Variants in PLEKHA4 observed in about 807,000 individuals in gnomAD.
PLEKHA4 encodes pleckstrin homology domain containing A4.
In PLEKHA4, 73 loss-of-function variants were observed where a neutral mutation model predicts 94.7. That is an observed-to-expected ratio of 0.77 (90% CI 0.64 to 0.94). PLEKHA4 has a LOEUF of 0.94. Among genes scored for constraint, PLEKHA4 ranks in the 40% least tolerant of loss-of-function variants. The probability of loss-of-function intolerance (pLI) is 0.00; values close to 1 mark genes in which losing one functional copy is unlikely to be tolerated. For missense variants in PLEKHA4, 1,049 were observed against 1,054.1 expected, an observed-to-expected ratio of 1.00 and a Z score of 0.07; for synonymous variants, 449 against 437.1, an observed-to-expected ratio of 1.03 and a Z score of -0.34.
rs760685399 is a variant in PLEKHA4 at position 48,861,662 on chromosome 19, G to A, written c.223C>T (p.Arg75Cys). 9.3e-6 allele frequency: 15 copies of A among 1,614,068 alleles called. No homozygotes were observed. Among genetic ancestry groups the A allele is most frequent in the East Asian group, 8.9e-5 (4 of 44,896 alleles). Residue 75 changes from arginine (R) to cysteine (C), a missense_variant, in exon 4 of 20, where the codon CGC becomes TGC. Coordinates refer to ENST00000263265, the MANE Select transcript of PLEKHA4 (RefSeq NM_020904.3). Reference sequence around the variant, plus strand: ...CAATGGCCGGAGAGGACGAACCAGCGGCGTTTCCAGAGACGGAGCCCCGAG... The same window carrying A: ...CAATGGCCGGAGAGGACGAACCAGCAGCGTTTCCAGAGACGGAGCCCCGAG... ...DSSGLRLWKR[R>C]WFVLSGHCLF... is the part of the protein sequence containing the mutation.
At chr19:48,848,355 G>A (rs1234870537) in intron 13 of PLEKHA4, among the ~76,000 whole-genome samples, 3 of 151,060 alleles carry the variant, frequency 2.0e-5, no homozygotes, top group Non-Finnish European at 4.4e-5. Flanking sequence ...GCGTAGTGGC[G>A]GGCACCTGTA....
At chr19:48,858,293 G>C (rs1031692916) in intron 8 of PLEKHA4, among the ~76,000 whole-genome samples, 4 of 152,150 alleles carry the variant, frequency 2.6e-5, no homozygotes, top group Non-Finnish European at 1.5e-5. Flanking sequence ...TCTTGGCACA[G>C]AGTATCCAGG....
intron 5 of PLEKHA4, among the ~76,000 whole-genome samples, chr19:48,860,802 G>A (rs1463328682): frequency 6.8e-6 from 1 of 148,100 alleles, no homozygotes; most frequent in Non-Finnish European, 1.5e-5. Context: ...AGAGGGAAGG[G>A]AAGGGAGAGA....
intron 17 of PLEKHA4, 121 bp downstream of exon 17, chr19:48,841,028 T>A (rs761658262): frequency 1.8e-4 from 188 of 1,052,330 alleles, no homozygotes; most frequent in Admixed American, 2.3e-4. Context: ...TGGGGTAAAT[T>A]CGGAAATCCA....
At chr19:48,846,433 CAG>C (rs2035974533) in intron 14 of PLEKHA4, among the ~76,000 whole-genome samples, 1 of 151,948 alleles carries the variant, frequency 6.6e-6, no homozygotes, top group South Asian at 2.1e-4. Context: ...GCCTGAGCAA[CAG>C]AGAGAGACTC....
chr19:48,864,103 G>C (rs2036745453), intron 3 of PLEKHA4, among the ~76,000 whole-genome samples: 1 of 151,980 alleles, frequency 6.6e-6, no homozygotes, highest in Non-Finnish European at 1.5e-5. Context: ...TTCTTCCCCT[G>C]GCCTCACTTG....
rs186819477 is a variant in PLEKHA4 at position 48,859,249 on chromosome 19, G to A, written c.693-110C>T. The A allele has an allele frequency of 1.3e-4, 130 of 967,634 alleles. No homozygotes were observed. In the African/African-American group the frequency reaches 2.0e-3, roughly 15 times the overall value. 59.9% of individuals were successfully genotyped at this position (967,634 alleles called of 1,614,324 possible). A position where few individuals can be genotyped will look rare whatever the true frequency, so the allele number is the denominator to read the frequency against. ...ATGTCTCACTTCACTGTGTCTTACT[G>A]TCCCACTGGGTTAGAATCCTCCTCT... On this transcript the variant is annotated intron_variant, in intron 7 of 19. Coordinates refer to ENST00000263265, the MANE Select transcript of PLEKHA4 (RefSeq NM_020904.3).
chr19:48,847,183 G>A lies in PLEKHA4; in HGVS notation c.1566+717C>T, dbSNP rs10410072. On this transcript the variant is annotated intron_variant, in intron 14 of 19. Coordinates refer to ENST00000263265, the MANE Select transcript of PLEKHA4 (RefSeq NM_020904.3). ...GGTGCCTCACTCCTGTAATCCTGGC[G>A]TTTTGGAATACTGAGACTGGAGGAT... Among the ~76,000 whole-genome samples, 853 of 152,192 alleles carry A rather than the reference G, an allele frequency of 5.6e-3. 7 individuals carry two copies. The highest frequency in any genetic ancestry group is 0.02 in the African/African-American group (813 of 41,530).
intron 13 of PLEKHA4, among the ~76,000 whole-genome samples, chr19:48,848,804 A>G (rs2036074142): frequency 6.6e-6 from 1 of 152,066 alleles, no homozygotes; most frequent in Non-Finnish European, 1.5e-5. Flanking sequence ...CTCAAAAAAA[A>G]AAAAAAGAAA....
chr19:48,859,639 G>A lies in PLEKHA4; in HGVS notation c.522C>T (p.Pro174=), dbSNP rs571371427. Residue 174 remains proline, a synonymous_variant, in exon 7 of 20, where the codon CCC becomes CCT. Coordinates refer to ENST00000263265, the MANE Select transcript of PLEKHA4 (RefSeq NM_020904.3). ...SPARPQPGEG[P]GGPGGPPEVS... ...CCTCCGGGGGACCACCGGGGCCGCC[G>A]GGGCCCTCCCCGGGCTGGGGTCGTG... 59 of 1,612,476 alleles carry A rather than the reference G, an allele frequency of 3.7e-5. No individual in the cohort carries two copies. In the South Asian group the frequency reaches 5.6e-4, roughly 15 times the overall value.
At chr19:48,839,374 G>T (rs974810535) in intron 17 of PLEKHA4, 111 bp from the exon 18 acceptor site, 15 of 602,048 alleles carry the variant, frequency 2.5e-5, no homozygotes, top group Non-Finnish European at 3.6e-5. Context: ...AAAAACACTG[G>T]CAATGTTTTG....
intron 3 of PLEKHA4, among the ~76,000 whole-genome samples, chr19:48,863,141 G>T (rs1354126079): frequency 6.6e-6 from 1 of 152,184 alleles, no homozygotes; most frequent in Non-Finnish European, 1.5e-5. Flanking sequence ...AAGCCCACAT[G>T]ATCTTTTAAA....
chr19:48,861,424 G>C lies in PLEKHA4; in HGVS notation c.343C>G (p.Arg115Gly), dbSNP rs771153973. 3 of 1,613,746 alleles carry C rather than the reference G, an allele frequency of 1.9e-6. No homozygotes were observed. In the East Asian group the frequency reaches 6.7e-5, roughly 36 times the overall value. ...NIRPDGPGAP[R>G]GRRFTFTAEH... ...ACGGTGAAGGTGAAGCGCCGCCCTCGGGGGGCTCCCGGCCCATCTGGTCTA... is the reference window on the plus strand; with the variant it reads ...ACGGTGAAGGTGAAGCGCCGCCCTCCGGGGGCTCCCGGCCCATCTGGTCTA... Residue 115 changes from arginine (R) to glycine (G), a missense_variant, in exon 5 of 20, where the codon CGA becomes GGA. Transcript: ENST00000263265.
At chr19:48,852,583 T>C (rs957763668) in intron 12 of PLEKHA4, among the ~76,000 whole-genome samples, 29 of 152,028 alleles carry the variant, frequency 1.9e-4, no homozygotes, top group Admixed American at 1.1e-3. Context: ...TTACTTCTGC[T>C]CTCTCCTAGG....
At position 48,838,120 on chromosome 19, in the gene PLEKHA4, G is replaced by GAC; in HGVS notation, c.1973_1974insGT (p.Asn658LysfsTer34). The GAC allele has an allele frequency of 6.3e-7, 1 of 1,589,982 alleles. No individual in the cohort carries two copies. Among genetic ancestry groups the GAC allele is most frequent in the Non-Finnish European group, 8.6e-7 (1 of 1,164,350 alleles). On this transcript the variant is annotated frameshift_variant, in exon 19 of 20. Transcript: ENST00000263265. LOFTEE classifies it high-confidence loss of function. Reference sequence around the variant, plus strand: ...CGGAAGTCGGCAAGTAAGGGGTGGTGTTCCTTGGACTAGAAAAAAAAAGAA... The same window carrying GAC: ...CGGAAGTCGGCAAGTAAGGGGTGGTGACTTCCTTGGACTAGAAAAAAAAAGAA...
chr19:48,841,900 C>T (rs982171284), intron 16 of PLEKHA4, among the ~76,000 whole-genome samples: 1 of 152,116 alleles, frequency 6.6e-6, no homozygotes, highest in African/African-American at 2.4e-5. Context: ...GAGCTATGAT[C>T]GTGCCACTGC....
intron 13 of PLEKHA4, among the ~76,000 whole-genome samples, chr19:48,851,859 A>C (rs1188937093): frequency 6.6e-6 from 1 of 151,764 alleles, no homozygotes; most frequent in Non-Finnish European, 1.5e-5. Context: ...TGGGAGAATC[A>C]CTTGAACCTG....
intron 16 of PLEKHA4, among the ~76,000 whole-genome samples, chr19:48,841,674 G>C (rs1007820607): frequency 6.6e-6 from 1 of 151,662 alleles, no homozygotes; most frequent in African/African-American, 2.4e-5. Flanking sequence ...GAGGGAGAAG[G>C]CCGGGTGCAG....
chr19:48,840,284 A>G (rs2035710449), intron 17 of PLEKHA4, among the ~76,000 whole-genome samples: 2 of 151,916 alleles, frequency 1.3e-5, no homozygotes, highest in Admixed American at 1.3e-4. Flanking sequence ...ATGTAGTGGC[A>G]TATCCCTGTA....
Sources: allele counts gnomAD v4.1 joint callset (sites outside exome capture counted in the v4.1 genomes callset), GRCh38; gene constraint gnomAD v4.1.1; transcripts MANE v1.5; gene names NCBI Gene and HGNC (gene_info 2026-07-23, HGNC 2026-07-21).